Variants in USH2A observed in about 807,000 individuals in gnomAD.
USH2A encodes the protein usherin.
Under a neutral mutation model 538.9 loss-of-function variants are expected in USH2A, and 443 were observed. That is an observed-to-expected ratio of 0.82 (90% CI 0.76 to 0.89). The LOEUF (loss-of-function observed/expected upper bound fraction) is 0.89, where lower values mean the gene tolerates loss of function less well. Among genes scored for constraint, USH2A ranks in the 40% least tolerant of loss-of-function variants. The probability of loss-of-function intolerance (pLI) is 0.00; values close to 1 mark genes in which losing one functional copy is unlikely to be tolerated. For synonymous variants in USH2A, 2,413 were observed against 2,273.5 expected, an observed-to-expected ratio of 1.06 and a Z score of -1.75; for missense variants, 6,633 against 6,324.8, an observed-to-expected ratio of 1.05 and a Z score of -1.65.
chr1:215,641,939 T>C (rs139810349), intron 67 of USH2A, among the ~76,000 whole-genome samples: 11 of 152,260 alleles, frequency 7.2e-5, no homozygotes, highest in African/African-American at 2.6e-4. Context: ...TTTTCCAACA[T>C]TGATTCTGCC....
At chr1:215,926,858 T>C (rs1181916069) in intron 38 of USH2A, among the ~76,000 whole-genome samples, 1 of 152,074 alleles carries the variant, frequency 6.6e-6, no homozygotes, top group African/African-American at 2.4e-5. Context: ...TCCACCCTCC[T>C]TGGCCTTCCG....
intron 37 of USH2A, among the ~76,000 whole-genome samples, chr1:215,959,268 T>A (rs1426434876): frequency 6.6e-6 from 1 of 152,154 alleles, no homozygotes; most frequent in Admixed American, 6.6e-5. Context: ...TTTGCCTTTT[T>A]AAAAACATTC....
rs116429828 is a variant in USH2A at position 216,153,032 on chromosome 1, C to T, written c.4627+22220G>A. ...GGGGTTAGTCAGAGAGGAGATTGGC[C>T]GCCGGATGCCCAAACTCCAGGGGAA... is the stretch of plus-strand genomic sequence containing the variant. On this transcript the variant is annotated intron_variant, in intron 21 of 71. Transcript: ENST00000307340. 3.1e-3 allele frequency among the ~76,000 whole-genome samples: 470 copies of T among 152,196 alleles called. 1 individual carries two copies. Among genetic ancestry groups the T allele is most frequent in the African/African-American group, 0.011 (444 of 41,516 alleles).
intron 4 of USH2A, among the ~76,000 whole-genome samples, chr1:216,354,645 A>G (rs564796956): frequency 1.1e-4 from 16 of 152,150 alleles, no homozygotes; most frequent in Non-Finnish European, 2.2e-4. Flanking sequence ...AGAGAAATTG[A>G]CCAGTGAAAT....
chr1:216,005,302 A>G (rs1053113686), intron 32 of USH2A, among the ~76,000 whole-genome samples: 2 of 152,084 alleles, frequency 1.3e-5, no homozygotes, highest in African/African-American at 4.8e-5. Context: ...CAATATGGCC[A>G]CCATCATCCC....
intron 52 of USH2A, 120 bp downstream of exon 52, chr1:215,786,550 T>C (rs1661806393): frequency 9.0e-7 from 1 of 1,105,742 alleles, no homozygotes; most frequent in Non-Finnish European, 1.4e-6. Context: ...CCTCAAAGTA[T>C]GATGGAATGT....
At position 216,086,703 on chromosome 1, in the gene USH2A, A is replaced by G. The variant is rs1181077695; in HGVS notation, c.4987+16T>C. On this transcript the variant is annotated intron_variant, in intron 24 of 71. Coordinates refer to ENST00000307340, the MANE Select transcript of USH2A (RefSeq NM_206933.4). ...AAGTTTGGATGACAACATATAATAT[A>G]CCTTACTAAACTCACCAGGATCCTT... is the stretch of plus-strand genomic sequence containing the variant. 1 of 1,578,492 alleles carries G rather than the reference A, an allele frequency of 6.3e-7. No homozygotes were observed. The highest frequency in any genetic ancestry group is 1.7e-5 in the Admixed American group (1 of 59,660).
At chr1:216,008,958 G>A (rs1309442227) in intron 32 of USH2A, among the ~76,000 whole-genome samples, 4 of 151,936 alleles carry the variant, frequency 2.6e-5, no homozygotes, top group Admixed American at 6.6e-5. Context: ...TTTCTGGGGG[G>A]CAAGAAACCC....
intron 4 of USH2A, among the ~76,000 whole-genome samples, chr1:216,332,600 G>A (rs2037890319): frequency 6.6e-6 from 1 of 152,140 alleles, no homozygotes; most frequent in Non-Finnish European, 1.5e-5. Flanking sequence ...AAAGGAGAGT[G>A]TTAAACTGCC....
chr1:216,016,181 C>T (rs1470908496), intron 32 of USH2A, among the ~76,000 whole-genome samples: 2 of 113,666 alleles, frequency 1.8e-5, no homozygotes, highest in African/African-American at 7.0e-5. Flanking sequence ...CATCACACAC[C>T]AGGGCCTGCT....
At chr1:215,662,017 A>G (rs1657451185) in intron 64 of USH2A, among the ~76,000 whole-genome samples, 2 of 152,198 alleles carry the variant, frequency 1.3e-5, no homozygotes, top group African/African-American at 2.4e-5. Context: ...CCTGAAGGGG[A>G]GAGTGCATGG....
chr1:216,027,472 A>G (rs1186298661), intron 32 of USH2A, among the ~76,000 whole-genome samples: 1 of 152,154 alleles, frequency 6.6e-6, no homozygotes, highest in Non-Finnish European at 1.5e-5. Context: ...TAATATACCT[A>G]CCATTCCTGT....
intron 37 of USH2A, among the ~76,000 whole-genome samples, chr1:215,956,978 C>T (rs889412879): frequency 3.3e-5 from 5 of 151,964 alleles, no homozygotes; most frequent in African/African-American, 7.3e-5. Context: ...TATTATTGCC[C>T]GTTTATATTT....
At chr1:215,849,709 C>T (rs1324729535) in intron 44 of USH2A, among the ~76,000 whole-genome samples, 1 of 151,680 alleles carries the variant, frequency 6.6e-6, no homozygotes, top group African/African-American at 2.4e-5. Flanking sequence ...TAAAGGTAAA[C>T]CAAAAATTAG....
Position 215,877,869 on chromosome 1 carries a change from A to T in USH2A, c.8570T>A (p.Leu2857Gln). Residue 2857 changes from leucine (L) to glutamine (Q), a missense_variant, in exon 43 of 72, where the codon CTG becomes CAG. Coordinates refer to ENST00000307340, the MANE Select transcript of USH2A (RefSeq NM_206933.4). ...AAGTGGCTGCTGGATTTTACGTCTCAGAAGCTCATATCTAAAGCAAAAGAC... is the reference window on the plus strand; with the variant it reads ...AAGTGGCTGCTGGATTTTACGTCTCTGAAGCTCATATCTAAAGCAAAAGAC... ...PNGPNLRYEL[L>Q]RRKIQQPLAS... The T allele has an allele frequency of 6.2e-7, 1 of 1,613,762 alleles. No homozygotes were observed. Among genetic ancestry groups the T allele is most frequent in the Admixed American group, 1.7e-5 (1 of 60,008 alleles).
At chr1:216,045,999 T>A (rs962560972) in intron 32 of USH2A, among the ~76,000 whole-genome samples, 2 of 134,382 alleles carry the variant, frequency 1.5e-5, no homozygotes, top group South Asian at 5.3e-4. Context: ...ATAGACTCTA[T>A]TTATCTGGTG....
At chr1:216,256,532 G>A (rs1373956805) in intron 11 of USH2A, among the ~76,000 whole-genome samples, 1 of 151,642 alleles carries the variant, frequency 6.6e-6, no homozygotes, top group East Asian at 1.9e-4. Context: ...GAACAACATG[G>A]GTTATCACTG....
At chr1:215,820,670 A>C (rs1293363082) in intron 47 of USH2A, among the ~76,000 whole-genome samples, 2 of 151,696 alleles carry the variant, frequency 1.3e-5, no homozygotes, top group African/African-American at 2.4e-5. Flanking sequence ...GATCTATCAA[A>C]TACTAGGTCT....
rs148135854 is a variant in USH2A at position 216,130,004 on chromosome 1, T to G, written c.4628-32791A>C. Among the ~76,000 whole-genome samples, 1,292 of 152,132 alleles carry G rather than the reference T, an allele frequency of 8.5e-3. 20 individuals carry two copies. The highest frequency in any genetic ancestry group is 0.03 in the African/African-American group (1,259 of 41,528). ...TGATGCTGGGAAAACTGGATATACA[T>G]ATGCAGAAGAATAAAACTAGAATGC... On this transcript the variant is annotated intron_variant, in intron 21 of 71. Coordinates refer to ENST00000307340, the MANE Select transcript of USH2A (RefSeq NM_206933.4).
Sources: gnomAD v4.1 joint callset for allele counts (sites outside exome capture counted in the v4.1 genomes callset) on GRCh38, gnomAD v4.1.1 for gene constraint, MANE v1.5 for transcripts, NCBI Gene and HGNC (gene_info 2026-07-23, HGNC 2026-07-21) for gene names.